The following EYA4 variants were observed in gnomAD, a reference collection of about 807,000 sequenced individuals.
EYA4 encodes protein phosphatase EYA4.
In EYA4, 31 loss-of-function variants were observed where a neutral mutation model predicts 87.9. That is an observed-to-expected ratio of 0.35 (90% CI 0.27 to 0.48). The LOEUF is 0.48. EYA4 is among the 20% of genes least tolerant of loss of function. EYA4 has a pLI of 0.99. For synonymous variants in EYA4, 263 were observed against 270.6 expected, an observed-to-expected ratio of 0.97 and a Z score of 0.28; for missense variants, 678 against 761.4, an observed-to-expected ratio of 0.89 and a Z score of 1.29.
chr6:133,294,062 T>TATATATATATATAA (rs71003632), intron 2 of EYA4, among the ~76,000 whole-genome samples: 20 of 105,156 alleles, frequency 1.9e-4, no homozygotes, highest in Admixed American at 5.6e-4. Context: ...TATATATATA[T>TATATATATATATAA]AATTCTATTC....
chr6:133,334,003 T>A (rs1782177534), intron 2 of EYA4, among the ~76,000 whole-genome samples: 1 of 152,132 alleles, frequency 6.6e-6, no homozygotes, highest in African/African-American at 2.4e-5. Context: ...TTGGTAAAAT[T>A]CCACTGCTCT....
intron 3 of EYA4, among the ~76,000 whole-genome samples, chr6:133,391,652 C>G (rs756359272): frequency 9.9e-5 from 15 of 152,156 alleles, no homozygotes; most frequent in Non-Finnish European, 2.9e-5. Flanking sequence ...TTCATTATCT[C>G]AGTTCCAGAT....
In EYA4 at chr6:133,251,266, C is replaced by T. The variant is rs575917273; in HGVS notation, c.-66+9517C>T. 6.6e-5 allele frequency among the ~76,000 whole-genome samples: 10 copies of T among 151,936 alleles called. No individual in the cohort carries two copies. In the South Asian group the frequency reaches 2.1e-3, roughly 32 times the overall value. ...GTTTCCTCAGTTGCTTTTTTTTCAG[C>T]CGTAAGGTACCAATTATGAGAATTT... On this transcript the variant is annotated intron_variant, in intron 1 of 19. Coordinates refer to ENST00000355286, the MANE Select transcript of EYA4 (RefSeq NM_004100.5).
chr6:133,517,399 A>G (rs75513548), intron 17 of EYA4, among the ~76,000 whole-genome samples: 1,861 of 152,276 alleles, frequency 0.012, 39 homozygotes, highest in African/African-American at 0.041. Flanking sequence ...GAAAAGATCA[A>G]TGAATAAGAT....
intron 2 of EYA4, among the ~76,000 whole-genome samples, chr6:133,332,110 C>T (rs559771176): frequency 6.6e-6 from 1 of 152,332 alleles, no homozygotes; most frequent in African/African-American, 2.4e-5. Flanking sequence ...CAGAAGCCTT[C>T]CTGGAGACTC....
intron 2 of EYA4, among the ~76,000 whole-genome samples, chr6:133,356,677 G>C (rs533666038): frequency 2.6e-5 from 4 of 152,016 alleles, no homozygotes; most frequent in African/African-American, 9.7e-5. Context: ...ATGTGAAAGA[G>C]TTATGAGCAT....
intron 2 of EYA4, among the ~76,000 whole-genome samples, chr6:133,299,750 A>C (rs1226848225): frequency 1.1e-5 from 1 of 93,446 alleles, no homozygotes; most frequent in Non-Finnish European, 2.1e-5. Context: ...AAAATAAAAT[A>C]AAATAAAATA....
intron 5 of EYA4, among the ~76,000 whole-genome samples, chr6:133,455,527 C>T (rs551538100): frequency 1.3e-5 from 2 of 152,244 alleles, no homozygotes; most frequent in East Asian, 3.9e-4. Flanking sequence ...CAATTAATTT[C>T]TTTTCTAACA....
intron 2 of EYA4, among the ~76,000 whole-genome samples, chr6:133,306,763 G>A (rs1038563521): frequency 4.6e-5 from 7 of 151,884 alleles, no homozygotes; most frequent in South Asian, 4.1e-4. Flanking sequence ...CAAATATAAG[G>A]AATAAAATAT....
intron 3 of EYA4, among the ~76,000 whole-genome samples, chr6:133,422,609 G>A (rs552437812): frequency 2.0e-5 from 3 of 152,236 alleles, no homozygotes; most frequent in Non-Finnish European, 4.4e-5. Context: ...AGAGGAATTT[G>A]GGGACTTAGT....
intron 10 of EYA4, among the ~76,000 whole-genome samples, chr6:133,465,837 T>C (rs1336845577): frequency 6.6e-6 from 1 of 152,172 alleles, no homozygotes. Context: ...AGAAAGGAAA[T>C]TTTGATCATT....
intron 2 of EYA4, among the ~76,000 whole-genome samples, chr6:133,351,863 A>G (rs1323546168): frequency 6.6e-6 from 1 of 152,132 alleles, no homozygotes; most frequent in Non-Finnish European, 1.5e-5. Context: ...ATCCATCTTT[A>G]ACAATTAGCT....
chr6:133,296,481 T>C (rs1582879512), intron 2 of EYA4, among the ~76,000 whole-genome samples: 1 of 151,716 alleles, frequency 6.6e-6, no homozygotes, highest in Non-Finnish European at 1.5e-5. Flanking sequence ...GTGGCTTGAG[T>C]TGGGTTGTAC....
At chr6:133,404,308 C>A (rs1433218635) in intron 3 of EYA4, among the ~76,000 whole-genome samples, 1 of 152,128 alleles carries the variant, frequency 6.6e-6, no homozygotes, top group African/African-American at 2.4e-5. Flanking sequence ...GATAAGATCC[C>A]CAGTTACCAA....
chr6:133,446,046 C>T (rs903023672), intron 3 of EYA4, among the ~76,000 whole-genome samples: 1 of 152,082 alleles, frequency 6.6e-6, no homozygotes, highest in African/African-American at 2.4e-5. Context: ...TTTTTTGACT[C>T]CCTGGGTCAA....
intron 2 of EYA4, among the ~76,000 whole-genome samples, chr6:133,342,574 C>CATATATATATATATATAT (rs56987430): frequency 0.013 from 1,306 of 100,152 alleles, 37 homozygotes; most frequent in East Asian, 0.019. Flanking sequence ...TACACACTGC[C>CATATATATATATATATAT]ATATATATAT....
intron 2 of EYA4, among the ~76,000 whole-genome samples, chr6:133,339,741 A>G (rs976776309): frequency 6.6e-6 from 1 of 152,120 alleles, no homozygotes; most frequent in Non-Finnish European, 1.5e-5. Flanking sequence ...TTAGAGAGGG[A>G]CTATTAAGAG....
At chr6:133,410,041 A>G (rs75461859) in intron 3 of EYA4, among the ~76,000 whole-genome samples, 1 of 152,102 alleles carries the variant, frequency 6.6e-6, no homozygotes, top group African/African-American at 2.4e-5. Context: ...AACACTTCAA[A>G]TACGTCAGCC....
intron 3 of EYA4, among the ~76,000 whole-genome samples, chr6:133,434,386 A>G (rs141465102): frequency 5.5e-4 from 84 of 152,370 alleles, no homozygotes; most frequent in African/African-American, 2.0e-3. Flanking sequence ...CAAATAGACA[A>G]ACCAGGCTGT....
Sources: allele counts gnomAD v4.1 joint callset (sites outside exome capture counted in the v4.1 genomes callset), GRCh38; gene constraint gnomAD v4.1.1; transcripts MANE v1.5; gene names NCBI Gene and HGNC (gene_info 2026-07-23, HGNC 2026-07-21).